SMARCC1: variants seen among roughly 807,000 people sequenced by gnomAD.
The protein encoded by SMARCC1 is SWI/SNF related BAF chromatin remodeling complex subunit C1.
SMARCC1 carries 43 observed loss-of-function variants against 147.4 expected under a neutral mutation model. That is an observed-to-expected ratio of 0.29 (90% CI 0.23 to 0.38). The LOEUF is 0.38. Ranked by LOEUF, SMARCC1 falls within the 10% of genes least tolerant of loss-of-function variation. The pLI is 1.00. For synonymous variants in SMARCC1, 495 were observed against 484.4 expected, an observed-to-expected ratio of 1.02 and a Z score of -0.29; for missense variants, 1,119 against 1,381.1, an observed-to-expected ratio of 0.81 and a Z score of 3.01.
At chr3:47,731,811 T>A (rs2034377527) in intron 5 of SMARCC1, among the ~76,000 whole-genome samples, 1 of 152,214 alleles carries the variant, frequency 6.6e-6, no homozygotes, top group Non-Finnish European at 1.5e-5. Flanking sequence ...TGTGCTGTCA[T>A]CTAGGCTTTG....
At position 47,739,963 on chromosome 3, in the gene SMARCC1, G is replaced by A. The variant is rs750427036; in HGVS notation, c.402-1853C>T. On this transcript the variant is annotated intron_variant, in intron 3 of 27. Transcript: ENST00000254480. ...GTGATCTCGATTCACCACAACCTCC[G>A]CTTCCTGGATTCAAGCGATTCTCCT... 7.2e-5 allele frequency among the ~76,000 whole-genome samples: 11 copies of A among 151,966 alleles called. No individual in the cohort carries two copies. In the East Asian group the frequency reaches 1.2e-3, roughly 16 times the overall value.
chr3:47,625,787 GT>G (rs2032801020), intron 24 of SMARCC1, among the ~76,000 whole-genome samples: 1 of 152,076 alleles, frequency 6.6e-6, no homozygotes, highest in Non-Finnish European at 1.5e-5. Context: ...TTCAAGACAT[GT>G]AAAAAGCACA....
At chr3:47,750,081 CAAA>C (rs34681070) in intron 2 of SMARCC1, among the ~76,000 whole-genome samples, 2 of 80,960 alleles carry the variant, frequency 2.5e-5, no homozygotes, top group African/African-American at 4.1e-5. Context: ...GAGTCCATCT[CAAA>C]AAAAAAAAAA....
At position 47,588,066 on chromosome 3, in the gene SMARCC1, G is replaced by C. The variant is rs2032102507; in HGVS notation, c.*143C>G. ...AGTGTCAGAGAGAGGGGTGGTAAGA[G>C]GAGTGGGGAGGCACGGGACACGTGC... On this transcript the variant is annotated 3_prime_UTR_variant, in exon 28 of 28. Transcript: ENST00000254480. 1 of 641,624 alleles carries C rather than the reference G, an allele frequency of 1.6e-6. No homozygotes were observed. The highest frequency in any genetic ancestry group is 2.7e-6 in the Non-Finnish European group (1 of 365,334). The allele number at this position is 641,624 out of a possible 1,614,324, so 39.7% of individuals were successfully genotyped here. A position where few individuals can be genotyped will look rare whatever the true frequency, so the allele number is the denominator to read the frequency against.
chr3:47,695,941 C>CAT (rs2033845781), intron 11 of SMARCC1, among the ~76,000 whole-genome samples: 1 of 126,212 alleles, frequency 7.9e-6, no homozygotes, highest in African/African-American at 3.1e-5. Context: ...GTGGTGCATG[C>CAT]CTGTAATCCC....
chr3:47,627,878 C>T (rs775425441), intron 24 of SMARCC1, among the ~76,000 whole-genome samples: 7 of 152,010 alleles, frequency 4.6e-5, no homozygotes, highest in African/African-American at 1.4e-4. Context: ...TACACCACCA[C>T]GCCTGGCCAA....
intron 26 of SMARCC1, chr3:47,604,798 A>G (rs917111356): frequency 3.4e-5 from 5 of 146,068 alleles, no homozygotes; most frequent in African/African-American, 1.3e-4. Context: ...TCCTGGGTTC[A>G]AGCGATTCCC....
At chr3:47,707,639 C>G (rs1228500747) in intron 9 of SMARCC1, among the ~76,000 whole-genome samples, 1 of 151,844 alleles carries the variant, frequency 6.6e-6, no homozygotes, top group Non-Finnish European at 1.5e-5. Flanking sequence ...TTTGGGAGGC[C>G]GAGGCGGGGG....
At chr3:47,655,474 A>G (rs554121564) in intron 21 of SMARCC1, among the ~76,000 whole-genome samples, 2 of 152,248 alleles carry the variant, frequency 1.3e-5, no homozygotes, top group Non-Finnish European at 2.9e-5. Flanking sequence ...AGGCGGGCAG[A>G]TCACTTGAGG....
At chr3:47,679,093 A>C (rs1412766174) in intron 15 of SMARCC1, among the ~76,000 whole-genome samples, 1 of 152,114 alleles carries the variant, frequency 6.6e-6, no homozygotes, top group East Asian at 1.9e-4. Context: ...GTACTTAACA[A>C]CAAGAGTGTT....
chr3:47,736,074 T>G lies in SMARCC1; in HGVS notation c.536A>C (p.Lys179Thr). ...GATATCTTTCAATTTGTTAGCCAACTTCAGATCAATGTCTGGAATGAGGTA... is the reference window on the plus strand; with the variant it reads ...GATATCTTTCAATTTGTTAGCCAACGTCAGATCAATGTCTGGAATGAGGTA... ...NIYLIPDIDL[K>T]LANKLKDIIK... Residue 179 changes from lysine (K) to threonine (T), a missense_variant, in exon 5 of 28, where the codon AAG becomes ACG. Coordinates refer to ENST00000254480, the MANE Select transcript of SMARCC1 (RefSeq NM_003074.4). 14 of 1,602,938 alleles carry G rather than the reference T, an allele frequency of 8.7e-6. No homozygotes were observed. The highest frequency in any genetic ancestry group is 1.2e-5 in the Non-Finnish European group (14 of 1,174,050).
chr3:47,680,092 G>A, intron 15 of SMARCC1: 1 of 209,412 alleles, frequency 4.8e-6, no homozygotes, highest in South Asian at 8.3e-5. Context: ...GTGGTGACAT[G>A]TGCCTGTAGT....
chr3:47,769,603 C>T (rs2034883927), intron 2 of SMARCC1, among the ~76,000 whole-genome samples: 2 of 152,082 alleles, frequency 1.3e-5, no homozygotes, highest in South Asian at 4.1e-4. Flanking sequence ...AACTCACACT[C>T]AACTTTCAAG....
intron 9 of SMARCC1, 28 bp downstream of exon 9, chr3:47,710,655 T>C (rs370888871): frequency 5.2e-5 from 84 of 1,609,282 alleles, no homozygotes; most frequent in Non-Finnish European, 5.8e-5. Flanking sequence ...ACAGACTTAA[T>C]GATGAGAAAC....
At chr3:47,720,854 A>G in intron 6 of SMARCC1, 119 bp from the exon 7 acceptor site, 4 of 796,208 alleles carry the variant, frequency 5.0e-6, no homozygotes, top group Middle Eastern at 2.4e-4. Flanking sequence ...TTTTTCGAAC[A>G]TGCTGTTGCT....
At chr3:47,670,807 G>A in intron 18 of SMARCC1, 90 bp from the exon 19 acceptor site, 3 of 811,746 alleles carry the variant, frequency 3.7e-6, no homozygotes, top group Middle Eastern at 4.5e-4. Context: ...AGGGGACTGT[G>A]TTACGCAAAC....
chr3:47,663,625 C>T (rs2140335), intron 19 of SMARCC1: 957,398 of 1,490,468 alleles, frequency 0.64, 313,101 homozygotes, highest in East Asian at 0.72. Flanking sequence ...ATGGCGACTC[C>T]GGCCCTGTGA....
At chr3:47,761,087 C>T (rs964932194) in intron 2 of SMARCC1, among the ~76,000 whole-genome samples, 1 of 151,752 alleles carries the variant, frequency 6.6e-6, no homozygotes, top group Non-Finnish European at 1.5e-5. Context: ...GAGCTGAGAT[C>T]GCGCTACCAC....
chr3:47,757,472 G>C (rs1472715999), intron 2 of SMARCC1, among the ~76,000 whole-genome samples: 2 of 152,108 alleles, frequency 1.3e-5, no homozygotes, highest in East Asian at 3.9e-4. Context: ...GGATTGGTGA[G>C]AAAGTAGAAA....
Sources: gnomAD v4.1 joint callset for allele counts (sites outside exome capture counted in the v4.1 genomes callset) on GRCh38, gnomAD v4.1.1 for gene constraint, MANE v1.5 for transcripts, NCBI Gene and HGNC (gene_info 2026-07-23, HGNC 2026-07-21) for gene names.